RELL1: variants seen among roughly 807,000 people sequenced by gnomAD.
RELL1 encodes the protein RELT like 1.
In RELL1, 10 loss-of-function variants were observed where a neutral mutation model predicts 23.0. That is an observed-to-expected ratio of 0.43 (90% CI 0.27 to 0.74). The LOEUF is 0.74. RELL1 is among the 30% of genes least tolerant of loss of function. The pLI, the probability that RELL1 is intolerant of heterozygous loss-of-function variation, is 0.19. For missense variants in RELL1, 315 were observed against 364.4 expected (o/e 0.86, Z 1.10); for synonymous variants, 146 against 146.8 (o/e 0.99, Z 0.04).
At chr4:37,625,640 C>A (rs1012566941) in intron 6 of RELL1, among the ~76,000 whole-genome samples, 1 of 152,112 alleles carries the variant, frequency 6.6e-6, no homozygotes, top group Admixed American at 6.5e-5. Flanking sequence ...TGAGCAAAAA[C>A]CTCTTTCAGG....
intron 1 of RELL1, among the ~76,000 whole-genome samples, chr4:37,685,273 A>C (rs1038351880): frequency 6.6e-6 from 1 of 152,134 alleles, no homozygotes; most frequent in African/African-American, 2.4e-5. Context: ...CGCTGAAATC[A>C]AGCTTGGAAG....
At chr4:37,643,980 C>T (rs765725299) in intron 3 of RELL1, among the ~76,000 whole-genome samples, 3 of 152,038 alleles carry the variant, frequency 2.0e-5, no homozygotes, top group Non-Finnish European at 4.4e-5. Context: ...CTGGAGAAAC[C>T]GCAGGTACAC....
At chr4:37,588,998 T>TG (rs1005133165), downstream of RELL1, 2 of 873,254 alleles carry the variant, frequency 2.3e-6, no homozygotes, top group African/African-American at 3.3e-5. Flanking sequence ...TTATCCAGCT[T>TG]GGGGCATGAT....
At chr4:37,635,735 T>G (rs1720304294) in intron 4 of RELL1, among the ~76,000 whole-genome samples, 1 of 152,244 alleles carries the variant, frequency 6.6e-6, no homozygotes, top group Non-Finnish European at 1.5e-5. Flanking sequence ...TGTTTCTTTC[T>G]AAAACACTGA....
intron 6 of RELL1, among the ~76,000 whole-genome samples, chr4:37,604,954 G>C (rs111717944): frequency 4.4e-5 from 5 of 114,836 alleles, no homozygotes; most frequent in Middle Eastern, 4.4e-3. Context: ...TACACACACA[G>C]AGACACACAC....
chr4:37,653,687 A>G (rs1721028996), intron 1 of RELL1, among the ~76,000 whole-genome samples: 1 of 151,270 alleles, frequency 6.6e-6, no homozygotes. Flanking sequence ...TTTACACTCT[A>G]CTCTCCCTGA....
In RELL1 at chr4:37,592,353, GAAAAA is replaced by G. The variant is rs11403816; in HGVS notation, c.*4-1141_*4-1137del. Reference sequence around the variant, plus strand: ...CAATTTAGCGAGACCCCATCTCTATGAAAAAAAAAAAAAAAAAAAGAGCTAGACTA... The same window carrying G: ...CAATTTAGCGAGACCCCATCTCTATGAAAAAAAAAAAAAAGAGCTAGACTA... On this transcript the variant is annotated intron_variant, in intron 6 of 6. Coordinates refer to the RELL1 transcript ENST00000314117. Among the ~76,000 whole-genome samples the G allele has an allele frequency of 1.2e-3, 133 of 108,174 alleles. 2 individuals are homozygous for G. In the East Asian group the frequency reaches 0.032, roughly 26 times the overall value. 71.0% of individuals were successfully genotyped at this position (108,174 alleles called of 152,430 possible).
chr4:37,607,858 G>T (rs1416213444), downstream of RELL1, among the ~76,000 whole-genome samples: 1 of 152,238 alleles, frequency 6.6e-6, no homozygotes, highest in East Asian at 1.9e-4. Flanking sequence ...AAAGTGCAGG[G>T]ATTACAGGCG....
At chr4:37,654,284 C>G (rs1721048436) in intron 1 of RELL1, among the ~76,000 whole-genome samples, 1 of 152,104 alleles carries the variant, frequency 6.6e-6, no homozygotes. Flanking sequence ...TCTCAAGTGC[C>G]CAGTGGCCAT....
intron 6 of RELL1, among the ~76,000 whole-genome samples, chr4:37,624,141 G>A (rs1719859552): frequency 6.6e-6 from 1 of 152,108 alleles, no homozygotes; most frequent in Non-Finnish European, 1.5e-5. Context: ...ACATGAAGGC[G>A]GCCGAAGGTC....
intron 5 of RELL1, among the ~76,000 whole-genome samples, chr4:37,632,084 G>GGA (rs1381270801): frequency 4.5e-5 from 2 of 44,460 alleles, no homozygotes; most frequent in East Asian, 9.6e-4. Context: ...TCTCAATAAG[G>GGA]AAAAAAAAAA....
intron 6 of RELL1, among the ~76,000 whole-genome samples, chr4:37,599,095 T>A (rs558215035): frequency 2.5e-4 from 38 of 152,336 alleles, no homozygotes; most frequent in Middle Eastern, 3.4e-3. Flanking sequence ...CAATTTTGTA[T>A]ATGTAAAATT....
chr4:37,635,123 G>A lies in RELL1; in HGVS notation c.444C>T (p.Ser148=). The part of the protein sequence containing the change: ...VADNSLYDPE[S]PVTPSTPGSP... ...TCCCTGGTGTGCTGGGGGTCACGGG[G>A]CTAATGTGGGGAGGAAAACAAAAAG... Residue 148 remains serine (S), a splice_region_variant and synonymous_variant, in exon 5 of 7, where the codon AGC becomes AGT. Transcript: ENST00000454158. The A allele has an allele frequency of 6.2e-7, 1 of 1,613,324 alleles. No homozygotes were observed. Among genetic ancestry groups the A allele is most frequent in the Non-Finnish European group, 8.5e-7 (1 of 1,179,346 alleles).
chr4:37,663,789 T>C (rs1327768181), intron 1 of RELL1, among the ~76,000 whole-genome samples: 1 of 152,120 alleles, frequency 6.6e-6, no homozygotes, highest in Non-Finnish European at 1.5e-5. Context: ...TTTTATCTAG[T>C]GACACATGCA....
intron 5 of RELL1, among the ~76,000 whole-genome samples, chr4:37,634,311 T>A (rs1258123477): frequency 6.6e-6 from 1 of 152,250 alleles, no homozygotes; most frequent in African/African-American, 2.4e-5. Flanking sequence ...GTGGACCAGA[T>A]CCACGTCTTC....
At chr4:37,598,031 T>C (rs1221302677) in intron 6 of RELL1, among the ~76,000 whole-genome samples, 2 of 147,470 alleles carry the variant, frequency 1.4e-5, no homozygotes, top group Non-Finnish European at 3.0e-5. Context: ...AGCCTACATA[T>C]ATATATACAC....
chr4:37,625,944 A>C (rs1265137674), intron 6 of RELL1, among the ~76,000 whole-genome samples: 1 of 152,152 alleles, frequency 6.6e-6, no homozygotes, highest in African/African-American at 2.4e-5. Context: ...TCTAAATAGA[A>C]ATTTCTCAAA....
At chr4:37,669,265 C>T (rs943308599) in intron 1 of RELL1, among the ~76,000 whole-genome samples, 1 of 141,752 alleles carries the variant, frequency 7.1e-6, no homozygotes, top group Non-Finnish European at 1.5e-5. Context: ...GCCAGCCGCC[C>T]CATCCGGGAG....
At chr4:37,670,539 G>T (rs1488645521) in intron 1 of RELL1, among the ~76,000 whole-genome samples, 1 of 151,544 alleles carries the variant, frequency 6.6e-6, no homozygotes. Flanking sequence ...AAATAGTAAA[G>T]AACAGCCTGA....
Sources: allele counts gnomAD v4.1 joint callset (sites outside exome capture counted in the v4.1 genomes callset), GRCh38; gene constraint gnomAD v4.1.1; transcripts MANE v1.5; gene names NCBI Gene and HGNC (gene_info 2026-07-23, HGNC 2026-07-21).